The following KAT14 variants were observed in gnomAD, a reference collection of about 807,000 sequenced individuals.
The protein encoded by KAT14 is lysine acetyltransferase 14.
In KAT14, 66 loss-of-function variants were observed where a neutral mutation model predicts 78.4. The ratio of observed to expected loss-of-function variants is 0.84; its 90% CI spans 0.69 to 1.03. KAT14 has a LOEUF of 1.03. KAT14 is among the 50% of genes least tolerant of loss of function. The pLI, the probability that KAT14 is intolerant of heterozygous loss-of-function variation, is 0.00. For missense variants in KAT14, 870 were observed against 972.5 expected (o/e 0.89, Z 1.40); for synonymous variants, 344 against 359.4 (o/e 0.96, Z 0.48).
chr20:18,156,638 A>T (rs756697019), intron 4 of KAT14, among the ~76,000 whole-genome samples: 2 of 152,108 alleles, frequency 1.3e-5, no homozygotes, highest in Non-Finnish European at 2.9e-5. Flanking sequence ...TGTTGATAGG[A>T]TTGGTTCCTT....
intron 7 of KAT14, among the ~76,000 whole-genome samples, chr20:18,169,715 T>A (rs2038781236): frequency 6.6e-6 from 1 of 152,222 alleles, no homozygotes; most frequent in African/African-American, 2.4e-5. Flanking sequence ...CTTCTCTCAC[T>A]TTAAATAAAA....
At position 18,142,455 on chromosome 20, in the gene KAT14, C is replaced by A. The variant is rs1443919792; in HGVS notation, c.-206C>A. ...GTATCTTCATCTTTTTTTTTGGTCA[C>A]TGTCCTTTTAAACTTGATCAAATAA... is the stretch of plus-strand genomic sequence containing the variant. On this transcript the variant is annotated 5_prime_UTR_variant, in exon 2 of 11. The change creates a new upstream start codon in the 5' untranslated region. Transcript: ENST00000688188. The A allele has an allele frequency of 6.9e-7, 1 of 1,459,524 alleles. No homozygotes were observed. The highest frequency in any genetic ancestry group is 2.5e-5 in the East Asian group (1 of 40,282). The allele number at this position is 1,459,524 out of a possible 1,614,324, so 90.4% of individuals were successfully genotyped here.
rs770774126 is a variant in KAT14, at chr20:18,150,801, T to C, written c.379-20T>C. On this transcript the variant is annotated intron_variant, in intron 3 of 10. Coordinates refer to ENST00000688188, the MANE Select transcript of KAT14 (RefSeq NM_001392073.1). ...CCTAACCGTGCTGTTCTCCCACCTC[T>C]TGTTTCAATTGTGTTTCAGGTCGTC... 6.2e-7 allele frequency: 1 copy of C among 1,614,022 alleles called. No individual in the cohort carries two copies.
intron 1 of KAT14, among the ~76,000 whole-genome samples, chr20:18,141,541 T>C (rs926847862): frequency 1.3e-5 from 2 of 152,230 alleles, no homozygotes; most frequent in African/African-American, 4.8e-5. Context: ...AGAGTGTTAC[T>C]GTAGTAACTC....
At chr20:18,182,129 A>ATTT (rs1283869719) in intron 8 of KAT14, among the ~76,000 whole-genome samples, 1 of 150,704 alleles carries the variant, frequency 6.6e-6, no homozygotes, top group South Asian at 2.1e-4. Context: ...TATTATTATT[A>ATTT]TTTTTTTTTT....
At chr20:18,159,547 G>A (rs2038344365) in intron 5 of KAT14, among the ~76,000 whole-genome samples, 1 of 152,182 alleles carries the variant, frequency 6.6e-6, no homozygotes, top group African/African-American at 2.4e-5. Context: ...TCTCACAAAG[G>A]TGAAGAGATA....
At chr20:18,160,274 T>C (rs1045061432) in intron 5 of KAT14, among the ~76,000 whole-genome samples, 5 of 152,182 alleles carry the variant, frequency 3.3e-5, no homozygotes, top group African/African-American at 9.6e-5. Flanking sequence ...AGTATGAAAG[T>C]TCCCCCACCT....
At chr20:18,152,960 C>T (rs2038102484) in intron 4 of KAT14, among the ~76,000 whole-genome samples, 1 of 152,186 alleles carries the variant, frequency 6.6e-6, no homozygotes, top group Non-Finnish European at 1.5e-5. Context: ...TCTATCAAGA[C>T]TTTTATTGCT....
Position 18,162,217 on chromosome 20 carries a change from G to GC in KAT14, c.1082dup (p.Gln362ThrfsTer6), listed in dbSNP as rs754512458. 1 of 1,613,900 alleles carries GC rather than the reference G, an allele frequency of 6.2e-7. No homozygotes were observed. Among genetic ancestry groups the GC allele is most frequent in the African/African-American group, 1.3e-5 (1 of 75,026 alleles). ...AAGCAGATCTGATTCCAGATGTGAT[G>GC]CCCCCACAAGCCTTGTTTCATGGTA... On this transcript the variant is annotated frameshift_variant, in exon 6 of 11. Transcript: ENST00000688188. LOFTEE classifies it high-confidence loss of function.
chr20:18,187,168 GTC>G, intron 10 of KAT14, 116 bp from the exon 11 acceptor site: 2 of 1,337,150 alleles, frequency 1.5e-6, no homozygotes, highest in Non-Finnish European at 2.0e-6. Context: ...CTCAGCCTCA[GTC>G]TCTGATTTCT....
intron 7 of KAT14, among the ~76,000 whole-genome samples, chr20:18,168,575 G>A (rs2038741909): frequency 6.6e-6 from 1 of 151,884 alleles, no homozygotes; most frequent in Non-Finnish European, 1.5e-5. Context: ...TGGCCTCCTT[G>A]TTTTATTCTC....
At chr20:18,181,970 C>CT in intron 8 of KAT14, 124 bp downstream of exon 8, 1 of 1,431,214 alleles carries the variant, frequency 7.0e-7, no homozygotes, top group Non-Finnish European at 9.3e-7. Context: ...TTGGCAAGGA[C>CT]TGAGTTCTGT....
chr20:18,174,520 G>A (rs1236421913), intron 7 of KAT14, among the ~76,000 whole-genome samples: 1 of 152,136 alleles, frequency 6.6e-6, no homozygotes, highest in Admixed American at 6.6e-5. Flanking sequence ...TACTGAGTAT[G>A]AAGTGTAGTA....
chr20:18,146,963 G>A (rs2037851693), intron 3 of KAT14, among the ~76,000 whole-genome samples: 1 of 152,122 alleles, frequency 6.6e-6, no homozygotes, highest in Non-Finnish European at 1.5e-5. Context: ...TGTGGTGAAC[G>A]AGACAGCTAA....
At chr20:18,166,643 T>C (rs890337167) in intron 7 of KAT14, among the ~76,000 whole-genome samples, 2 of 152,376 alleles carry the variant, frequency 1.3e-5, no homozygotes, top group South Asian at 4.1e-4. Context: ...GTTCACCCTT[T>C]GTTGTGAAAC....
intron 7 of KAT14, among the ~76,000 whole-genome samples, chr20:18,170,431 T>C (rs1189996619): frequency 6.6e-6 from 1 of 152,238 alleles, no homozygotes; most frequent in African/African-American, 2.4e-5. Flanking sequence ...ACCCTGGCTG[T>C]GCTCTATAAA....
chr20:18,157,643 C>A (rs2038272049), intron 4 of KAT14, among the ~76,000 whole-genome samples: 1 of 152,122 alleles, frequency 6.6e-6, no homozygotes, highest in Non-Finnish European at 1.5e-5. Context: ...AGTCACCATT[C>A]TACTTTCTGT....
chr20:18,138,984 G>T (rs73256064), intron 1 of KAT14, among the ~76,000 whole-genome samples: 1 of 151,888 alleles, frequency 6.6e-6, no homozygotes, highest in Admixed American at 6.6e-5. Flanking sequence ...TTCACCAAGG[G>T]TGAAAATAAT....
Position 18,142,404 on chromosome 20 carries a change from G to A in KAT14, c.-257G>A, listed in dbSNP as rs1296851321. ...GGACAGACAACACGAGTTTGTGTGT[G>A]TGTGTTGATGGAGAGTAGCTTAGTA... On this transcript the variant is annotated 5_prime_UTR_variant, in exon 2 of 11. In the 5' UTR this introduces an upstream ATG that the reference lacks. Coordinates refer to ENST00000688188, the MANE Select transcript of KAT14 (RefSeq NM_001392073.1). 3 of 1,517,214 alleles carry A rather than the reference G, an allele frequency of 2.0e-6. No homozygotes were observed. The highest frequency in any genetic ancestry group is 2.6e-6 in the Non-Finnish European group (3 of 1,135,344). The allele number at this position is 1,517,214 out of a possible 1,614,324, so 94.0% of individuals were successfully genotyped here. A position where few individuals can be genotyped will look rare whatever the true frequency, so the allele number is the denominator to read the frequency against.
Sources: gnomAD v4.1 joint callset for allele counts (sites outside exome capture counted in the v4.1 genomes callset) on GRCh38, gnomAD v4.1.1 for gene constraint, MANE v1.5 for transcripts, NCBI Gene and HGNC (gene_info 2026-07-23, HGNC 2026-07-21) for gene names.